AGXT2: variants seen among roughly 807,000 people sequenced by gnomAD.
The protein encoded by AGXT2 is alanine--glyoxylate aminotransferase 2, mitochondrial.
A neutral mutation model predicts 62.5 loss-of-function variants in AGXT2; 61 were observed. The observed-to-expected ratio is 0.98, with a 90% CI of 0.79 to 1.21. The LOEUF is 1.21. Ranked by LOEUF, AGXT2 falls within the 50% of genes most tolerant of loss-of-function variation. AGXT2 has a pLI of 0.00. For synonymous variants in AGXT2, 243 were observed against 218.7 expected, an observed-to-expected ratio of 1.11 and a Z score of -0.98; for missense variants, 666 against 641.5, an observed-to-expected ratio of 1.04 and a Z score of -0.41.
chr5:35,010,234 C>T (rs1766580603), intron 11 of AGXT2, 85 bp from the exon 12 acceptor site: 2 of 1,521,898 alleles, frequency 1.3e-6, no homozygotes, highest in Admixed American at 1.7e-5. Context: ...TTGACATGGC[C>T]CTCTTGTAAC....
intron 13 of AGXT2, among the ~76,000 whole-genome samples, chr5:35,002,456 G>C (rs912950409): frequency 6.6e-6 from 1 of 152,168 alleles, no homozygotes; most frequent in African/African-American, 2.4e-5. Context: ...GGAAGGAAGT[G>C]CTATGATCTG....
chr5:35,003,836 T>C lies in AGXT2; in HGVS notation c.1364A>G (p.Glu455Gly). Reference protein sequence around the residue: ...DKISCRPLPREEVNQIHEDCK... With the variant: ...DKISCRPLPRGEVNQIHEDCK... ...GTCCTCATGGATCTGATTTACTTCTTCACGGGGAAGAGGCCGACAGCTTAT... is the reference window on the plus strand; with the variant it reads ...GTCCTCATGGATCTGATTTACTTCTCCACGGGGAAGAGGCCGACAGCTTAT... The change falls in exon 13 of 14, where the codon GAA becomes GGA. Residue 455 changes from glutamate (E) to glycine (G), a missense_variant. Transcript: ENST00000231420. 6.2e-7 allele frequency: 1 copy of C among 1,614,204 alleles called. No individual in the cohort carries two copies. The highest frequency in any genetic ancestry group is 1.1e-5 in the South Asian group (1 of 91,088).
At position 35,014,249 on chromosome 5, in the gene AGXT2, C is replaced by A. The variant is rs570144833; in HGVS notation, c.964-130G>T. The A allele has an allele frequency of 1.5e-5, 18 of 1,227,960 alleles. No individual in the cohort carries two copies. The East Asian group carries it at 3.1e-4, about 21-fold the overall frequency. The allele number at this position is 1,227,960 out of a possible 1,614,324, so 76.1% of individuals were successfully genotyped here. On this transcript the variant is annotated intron_variant, in intron 9 of 13. Transcript: ENST00000231420. ...CAGGTGGATCATGAGGTCAGGAGTT[C>A]AAGACCAGCCTGGCCAAGATGGTGA...
intron 9 of AGXT2, among the ~76,000 whole-genome samples, chr5:35,017,838 G>A (rs959906203): frequency 6.6e-6 from 1 of 152,146 alleles, no homozygotes; most frequent in Non-Finnish European, 1.5e-5. Context: ...AAATTTAGAA[G>A]AATGTATATC....
At chr5:35,045,587 A>C (rs1265500477) in intron 1 of AGXT2, among the ~76,000 whole-genome samples, 2 of 152,120 alleles carry the variant, frequency 1.3e-5, no homozygotes. Context: ...TGCACATGGC[A>C]GGTGCTCAAT....
At chr5:35,001,633 C>A (rs1055814257) in intron 13 of AGXT2, among the ~76,000 whole-genome samples, 1 of 152,152 alleles carries the variant, frequency 6.6e-6, no homozygotes, top group Non-Finnish European at 1.5e-5. Flanking sequence ...GCCTGACAAG[C>A]AGGAAGGGCT....
chr5:35,011,889 T>C (rs927203151), intron 11 of AGXT2, among the ~76,000 whole-genome samples: 1 of 149,474 alleles, frequency 6.7e-6, no homozygotes, highest in East Asian at 2.0e-4. Context: ...CATCAATTGA[T>C]GAGTGGATAA....
At chr5:35,023,444 T>C (rs546968610) in intron 9 of AGXT2, among the ~76,000 whole-genome samples, 118 of 152,346 alleles carry the variant, frequency 7.7e-4, no homozygotes, top group Non-Finnish European at 1.3e-3. Context: ...ATTGCCTGTG[T>C]TAGATAGTTT....
chr5:35,039,523 G>C lies in AGXT2; in HGVS notation c.178-15C>G. 2 of 1,612,160 alleles carry C rather than the reference G, an allele frequency of 1.2e-6. No individual in the cohort carries two copies. The highest frequency in any genetic ancestry group is 2.2e-5 in the South Asian group (2 of 90,958). Reference sequence around the variant, plus strand: ...TAGCCAAGGGACTGTAGATAAACAAGATTTAAACCCACACACTTCTTACAA... The same window carrying C: ...TAGCCAAGGGACTGTAGATAAACAACATTTAAACCCACACACTTCTTACAA... On this transcript the variant is annotated splice_polypyrimidine_tract_variant and intron_variant, in intron 2 of 13. Coordinates refer to ENST00000231420, the MANE Select transcript of AGXT2 (RefSeq NM_031900.4).
intron 4 of AGXT2, among the ~76,000 whole-genome samples, 153 bp downstream of exon 4, chr5:35,036,789 G>A (rs1014276258): frequency 6.6e-6 from 1 of 152,168 alleles, no homozygotes; most frequent in African/African-American, 2.4e-5. Flanking sequence ...CACCACTACA[G>A]ATGTTCAGTG....
Position 35,020,981 on chromosome 5 carries a change from A to C in AGXT2, c.963+4782T>G, listed in dbSNP as rs1767055119. Among the ~76,000 whole-genome samples the C allele has an allele frequency of 2.0e-5, 3 of 152,206 alleles. No individual in the cohort carries two copies. In the South Asian group the frequency reaches 6.2e-4, roughly 31 times the overall value. On this transcript the variant is annotated intron_variant, in intron 9 of 13. Coordinates refer to ENST00000231420, the MANE Select transcript of AGXT2 (RefSeq NM_031900.4). ...GTGAATTCCCATTCACAATTGCTTC[A>C]AAGAGAATAAAATACCTAGGAGTCC...
intron 7 of AGXT2, among the ~76,000 whole-genome samples, chr5:35,029,642 G>A (rs1284139206): frequency 6.6e-6 from 1 of 152,244 alleles, no homozygotes; most frequent in Non-Finnish European, 1.5e-5. Flanking sequence ...TACAGAAAGA[G>A]TTAAGCTGAG....
At chr5:35,021,187 T>C (rs943378698) in intron 9 of AGXT2, among the ~76,000 whole-genome samples, 1 of 152,216 alleles carries the variant, frequency 6.6e-6, no homozygotes, top group Non-Finnish European at 1.5e-5. Context: ...CCCATCAAGC[T>C]ACCAATGACT....
At chr5:35,004,241 T>G (rs1003670414) in intron 12 of AGXT2, among the ~76,000 whole-genome samples, 1 of 152,246 alleles carries the variant, frequency 6.6e-6, no homozygotes, top group African/African-American at 2.4e-5. Flanking sequence ...CACTTTGTTC[T>G]GCCCATGGAA....
At chr5:34,999,220 C>T (rs1202331428) in intron 13 of AGXT2, among the ~76,000 whole-genome samples, 1 of 152,222 alleles carries the variant, frequency 6.6e-6, no homozygotes, top group Non-Finnish European at 1.5e-5. Context: ...CCTTCTGCAA[C>T]CATTCATACC....
At chr5:35,027,163 GC>G in intron 7 of AGXT2, 2 of 260,760 alleles carry the variant, frequency 7.7e-6, no homozygotes, top group South Asian at 1.4e-4. Context: ...AATCTCTGTG[GC>G]CAGGCAAGCT....
At chr5:34,999,210 C>T (rs1022682034) in intron 13 of AGXT2, among the ~76,000 whole-genome samples, 1 of 152,216 alleles carries the variant, frequency 6.6e-6, no homozygotes, top group African/African-American at 2.4e-5. Flanking sequence ...TTATGTCCAC[C>T]CTTCTGCAAC....
intron 9 of AGXT2, among the ~76,000 whole-genome samples, chr5:35,019,748 C>T (rs1177289961): frequency 1.9e-4 from 29 of 151,966 alleles, no homozygotes; most frequent in Non-Finnish European, 1.5e-5. Flanking sequence ...GAAATAGAGA[C>T]ACAAAAAACC....
intron 9 of AGXT2, among the ~76,000 whole-genome samples, chr5:35,021,958 C>A (rs1403719239): frequency 1.3e-4 from 20 of 152,188 alleles, no homozygotes; most frequent in Middle Eastern, 3.4e-3. Flanking sequence ...ATGCAGCCAA[C>A]AAACACATGA....
Sources: gnomAD v4.1 joint callset for allele counts (sites outside exome capture counted in the v4.1 genomes callset) on GRCh38, gnomAD v4.1.1 for gene constraint, MANE v1.5 for transcripts, NCBI Gene and HGNC (gene_info 2026-07-23, HGNC 2026-07-21) for gene names.